Variants in CDC42BPA observed in about 807,000 individuals in gnomAD.
CDC42BPA encodes CDC42 binding protein kinase alpha.
In CDC42BPA, 80 loss-of-function variants were observed where a neutral mutation model predicts 223.5. The observed-to-expected ratio is 0.36, with a 90% CI of 0.30 to 0.43. The LOEUF (loss-of-function observed/expected upper bound fraction) is 0.43. Ranked by LOEUF, CDC42BPA falls within the 20% of genes least tolerant of loss-of-function variation. CDC42BPA has a pLI of 1.00. For missense variants in CDC42BPA, 1,743 were observed against 2,099.9 expected (o/e 0.83, Z 3.32); for synonymous variants, 694 against 718.6 (o/e 0.97, Z 0.55).
intron 1 of CDC42BPA, among the ~76,000 whole-genome samples, chr1:227,294,269 C>G (rs1014291499): frequency 1.4e-5 from 2 of 146,400 alleles, no homozygotes; most frequent in African/African-American, 5.0e-5. Flanking sequence ...TAGACTTCAT[C>G]TCAAAAAAAA....
intron 5 of CDC42BPA, among the ~76,000 whole-genome samples, chr1:227,186,024 A>G (rs1170282496): frequency 6.6e-6 from 1 of 152,220 alleles, no homozygotes; most frequent in African/African-American, 2.4e-5. Context: ...TTGGACAGAC[A>G]GGTGGCTATG....
chr1:227,149,187 T>C (rs966514039), intron 6 of CDC42BPA, among the ~76,000 whole-genome samples: 2 of 152,190 alleles, frequency 1.3e-5, no homozygotes, highest in African/African-American at 2.4e-5. Flanking sequence ...GACTAATGTG[T>C]GATGAATGAA....
At chr1:227,190,309 C>T (rs540572924) in intron 5 of CDC42BPA, among the ~76,000 whole-genome samples, 2 of 152,174 alleles carry the variant, frequency 1.3e-5, no homozygotes, top group African/African-American at 4.8e-5. Context: ...GGCTATGCTA[C>T]TTACTAACTA....
intron 1 of CDC42BPA, among the ~76,000 whole-genome samples, chr1:227,291,323 C>T (rs554060540): frequency 3.9e-5 from 6 of 152,094 alleles, no homozygotes; most frequent in Admixed American, 6.6e-5. Context: ...CCGAAGCAGG[C>T]GGATCACTTG....
At chr1:227,221,410 A>G (rs1227326708) in intron 2 of CDC42BPA, among the ~76,000 whole-genome samples, 4 of 152,130 alleles carry the variant, frequency 2.6e-5, no homozygotes, top group Admixed American at 1.3e-4. Context: ...CAAATGTCTT[A>G]AATTTAAGAA....
chr1:227,204,780 T>C (rs1672371815), intron 3 of CDC42BPA, among the ~76,000 whole-genome samples: 1 of 152,164 alleles, frequency 6.6e-6, no homozygotes, highest in Non-Finnish European at 1.5e-5. Flanking sequence ...GATAGATAAA[T>C]GGTAAAATAA....
At chr1:227,273,309 C>A (rs545154733) in intron 1 of CDC42BPA, among the ~76,000 whole-genome samples, 1 of 147,166 alleles carries the variant, frequency 6.8e-6, no homozygotes, top group South Asian at 2.2e-4. Flanking sequence ...AAAAAAAGGC[C>A]GGGCATGGTG....
chr1:227,066,790 T>C lies in CDC42BPA; in HGVS notation c.2904+2987A>G, dbSNP rs539160302. ...GGGCATTATTACTGACGGCATTACA[T>C]ACACTGTTTCCTTAAATCTTCAAAC... On this transcript the variant is annotated intron_variant, in intron 21 of 36. Transcript: ENST00000366766. Among the ~76,000 whole-genome samples the C allele has an allele frequency of 9.8e-5, 15 of 152,336 alleles. No homozygotes were observed. The South Asian group carries it at 3.1e-3, about 32-fold the overall frequency.
intron 14 of CDC42BPA, among the ~76,000 whole-genome samples, chr1:227,110,447 A>G (rs1385616611): frequency 1.3e-5 from 2 of 152,214 alleles, no homozygotes; most frequent in African/African-American, 4.8e-5. Flanking sequence ...TCTCCAATGA[A>G]GTAATGTTTA....
intron 6 of CDC42BPA, among the ~76,000 whole-genome samples, chr1:227,148,798 A>AAAAAAG (rs1661193269): frequency 7.1e-6 from 1 of 141,172 alleles, no homozygotes; most frequent in Non-Finnish European, 1.6e-5. Context: ...AAAAAAAAAA[A>AAAAAAG]AGCTAGATAA....
intron 16 of CDC42BPA, among the ~76,000 whole-genome samples, chr1:227,085,232 T>C (rs1161396570): frequency 6.6e-6 from 1 of 152,168 alleles, no homozygotes; most frequent in Non-Finnish European, 1.5e-5. Context: ...TGTTTCTCTG[T>C]GGAACCCTAA....
At chr1:227,137,558 A>C (rs2149588814) in intron 10 of CDC42BPA, among the ~76,000 whole-genome samples, 2 of 152,180 alleles carry the variant, frequency 1.3e-5, no homozygotes, top group South Asian at 4.2e-4. Flanking sequence ...TAAATAGATA[A>C]GTATATTTGC....
In CDC42BPA at chr1:226,992,049, TGGGGAGAGTGGGGA is replaced by T. The variant is rs1660820082; in HGVS notation, c.*2205_*2218del. 5.2e-5 allele frequency: 1 copy of T among 19,152 alleles called. No homozygotes were observed. The highest frequency in any genetic ancestry group is 5.3e-4 in the Admixed American group (1 of 1,872). The allele number at this position is 19,152 out of a possible 1,614,324, so 1.2% of individuals were successfully genotyped here. On this transcript the variant is annotated 3_prime_UTR_variant, in exon 37 of 37. Coordinates refer to ENST00000366766, the MANE Select transcript of CDC42BPA (RefSeq NM_001394014.1). ...AGGAGGGTGGGGAGAGTGAGGAGGG[TGGGGAGAGTGGGGA>T]GGAGAGGAGAGAAGGGTGGACAGAA...
chr1:227,128,830 G>A (rs1375136508), intron 11 of CDC42BPA, among the ~76,000 whole-genome samples: 2 of 151,998 alleles, frequency 1.3e-5, no homozygotes, highest in Admixed American at 6.5e-5. Context: ...CCTTGTTCAC[G>A]TAAGTCTGTG....
chr1:227,308,142 T>C (rs928675907), intron 1 of CDC42BPA, among the ~76,000 whole-genome samples: 2 of 152,234 alleles, frequency 1.3e-5, no homozygotes, highest in African/African-American at 2.4e-5. Context: ...TATATTAGTA[T>C]AGCTATGCAT....
At chr1:227,273,326 G>A (rs766875913) in intron 1 of CDC42BPA, among the ~76,000 whole-genome samples, 5 of 150,922 alleles carry the variant, frequency 3.3e-5, no homozygotes, top group East Asian at 3.9e-4. Flanking sequence ...GGTGGCTCAC[G>A]CCTCCAAGGC....
intron 16 of CDC42BPA, among the ~76,000 whole-genome samples, chr1:227,087,395 T>C (rs1467816028): frequency 6.6e-6 from 1 of 152,222 alleles, no homozygotes; most frequent in African/African-American, 2.4e-5. Context: ...GGACTCTTCG[T>C]TTCATTATGC....
At chr1:227,200,486 A>G (rs1463432407) in intron 3 of CDC42BPA, among the ~76,000 whole-genome samples, 1 of 151,726 alleles carries the variant, frequency 6.6e-6, no homozygotes, top group African/African-American at 2.4e-5. Flanking sequence ...AAAACAAAAA[A>G]AATCTATGTG....
intron 11 of CDC42BPA, among the ~76,000 whole-genome samples, chr1:227,125,315 G>A (rs1204137661): frequency 6.6e-6 from 1 of 151,896 alleles, no homozygotes; most frequent in Non-Finnish European, 1.5e-5. Context: ...ATCTGCAAGA[G>A]TGGTGTCAGA....
Sources: allele counts gnomAD v4.1 joint callset (sites outside exome capture counted in the v4.1 genomes callset), GRCh38; gene constraint gnomAD v4.1.1; transcripts MANE v1.5; gene names NCBI Gene and HGNC (gene_info 2026-07-23, HGNC 2026-07-21).